The following LHFPL3 variants were observed in gnomAD, a reference collection of about 807,000 sequenced individuals.
LHFPL3 encodes the protein LHFPL tetraspan subfamily member 3 protein.
A neutral mutation model predicts 19.3 loss-of-function variants in LHFPL3; 5 were observed. That is an observed-to-expected ratio of 0.26 (90% confidence interval 0.14 to 0.54). The LOEUF is 0.54. Among genes scored for constraint, LHFPL3 ranks in the 20% least tolerant of loss-of-function variants. The probability of loss-of-function intolerance (pLI) is 0.94; values close to 1 mark genes in which losing one functional copy is unlikely to be tolerated. For synonymous variants in LHFPL3, 133 were observed against 126.2 expected (o/e 1.05, Z -0.36); for missense variants, 249 against 307.4 (o/e 0.81, Z 1.42).
At chr7:104,400,302 A>G (rs897501512) in intron 1 of LHFPL3, among the ~76,000 whole-genome samples, 3 of 152,042 alleles carry the variant, frequency 2.0e-5, no homozygotes, top group African/African-American at 7.2e-5. Flanking sequence ...CCTGCTAATT[A>G]ACTATTGTTG....
chr7:104,555,952 G>A (rs1329293255), intron 1 of LHFPL3, among the ~76,000 whole-genome samples: 1 of 152,224 alleles, frequency 6.6e-6, no homozygotes, highest in Non-Finnish European at 1.5e-5. Context: ...ATCCAGCAGG[G>A]CAGTAAAATC....
chr7:104,567,052 A>G (rs1385246055), intron 1 of LHFPL3, among the ~76,000 whole-genome samples: 2 of 152,220 alleles, frequency 1.3e-5, no homozygotes, highest in African/African-American at 4.8e-5. Context: ...TTCTTCCAGG[A>G]CAGCTATATA....
chr7:104,589,981 A>G (rs144445283), intron 1 of LHFPL3, among the ~76,000 whole-genome samples: 2,034 of 151,822 alleles, frequency 0.013, 40 homozygotes, highest in African/African-American at 0.046. Flanking sequence ...TTTTTATTGC[A>G]TCTATTTGAT....
At chr7:104,468,240 T>C (rs1273873124) in intron 1 of LHFPL3, among the ~76,000 whole-genome samples, 2 of 152,222 alleles carry the variant, frequency 1.3e-5, no homozygotes, top group African/African-American at 4.8e-5. Flanking sequence ...GGAATCCAAT[T>C]ACTGAGGTCA....
intron 2 of LHFPL3, among the ~76,000 whole-genome samples, chr7:104,766,211 G>A (rs1207134067): frequency 6.6e-6 from 1 of 152,182 alleles, no homozygotes; most frequent in Non-Finnish European, 1.5e-5. Flanking sequence ...GTTGATATGG[G>A]AGATTATCTA....
intron 1 of LHFPL3, among the ~76,000 whole-genome samples, chr7:104,589,118 G>A (rs1163475052): frequency 2.0e-5 from 3 of 152,086 alleles, no homozygotes; most frequent in Admixed American, 1.3e-4. Flanking sequence ...TCTCCTGCCT[G>A]ATTGCCCTGG....
At chr7:104,721,303 C>G (rs746648593) in intron 1 of LHFPL3, among the ~76,000 whole-genome samples, 5 of 152,164 alleles carry the variant, frequency 3.3e-5, no homozygotes, top group Non-Finnish European at 7.3e-5. Context: ...AAACCAAACA[C>G]CGCATGCTCT....
At chr7:104,656,539 G>C (rs1792124357) in intron 1 of LHFPL3, among the ~76,000 whole-genome samples, 1 of 152,228 alleles carries the variant, frequency 6.6e-6, no homozygotes, top group Admixed American at 6.5e-5. Context: ...ATGACCCTGA[G>C]TAAGGGATAG....
intron 1 of LHFPL3, among the ~76,000 whole-genome samples, chr7:104,620,031 G>T (rs922621388): frequency 6.6e-6 from 1 of 152,212 alleles, no homozygotes; most frequent in Non-Finnish European, 1.5e-5. Flanking sequence ...AGGAGGCAGA[G>T]CTTAGGCCAT....
chr7:104,435,600 G>A, intron 1 of LHFPL3, among the ~76,000 whole-genome samples: 2 of 146,832 alleles, frequency 1.4e-5, no homozygotes, highest in African/African-American at 2.5e-5. Context: ...CCTCACTCAA[G>A]AAACACACTG....
chr7:104,744,657 G>A (rs372047733), intron 2 of LHFPL3, among the ~76,000 whole-genome samples: 3 of 152,156 alleles, frequency 2.0e-5, no homozygotes, highest in Non-Finnish European at 4.4e-5. Context: ...CACAGGCACT[G>A]TCTTACCAAG....
intron 1 of LHFPL3, among the ~76,000 whole-genome samples, chr7:104,639,935 A>G (rs1009855368): frequency 2.0e-5 from 3 of 152,168 alleles, no homozygotes; most frequent in Non-Finnish European, 4.4e-5. Flanking sequence ...TTGGGAAAAT[A>G]AAGTCTTAGA....
rs533151004 is a variant in LHFPL3, at chr7:104,522,992, A to G, written c.445+193768A>G. 4.0e-5 allele frequency among the ~76,000 whole-genome samples: 6 copies of G among 149,646 alleles called. No individual in the cohort carries two copies. The East Asian group carries it at 1.2e-3, about 29-fold the overall frequency. ...TATATCTGTGTGTGTGTGTGTGTGT[A>G]TGCACACATATATGTATATATGCAC... On this transcript the variant is annotated intron_variant, in intron 1 of 2. Transcript: ENST00000424859.
At chr7:104,340,477 G>A (rs868303265) in intron 1 of LHFPL3, among the ~76,000 whole-genome samples, 7 of 152,036 alleles carry the variant, frequency 4.6e-5, no homozygotes, top group African/African-American at 1.7e-4. Context: ...AACATAGTAA[G>A]CACTCAAAAA....
At chr7:104,842,421 T>C (rs979108221) in intron 2 of LHFPL3, among the ~76,000 whole-genome samples, 3 of 152,050 alleles carry the variant, frequency 2.0e-5, no homozygotes, top group Non-Finnish European at 4.4e-5. Flanking sequence ...AGAGCAGACC[T>C]TAGAAGAGAC....
intron 1 of LHFPL3, among the ~76,000 whole-genome samples, chr7:104,704,957 ATCT>A: frequency 6.6e-6 from 1 of 152,308 alleles, no homozygotes; most frequent in South Asian, 2.1e-4. Context: ...ATTCTTAAAA[ATCT>A]TCTCTCAGGA....
chr7:104,551,053 C>T (rs887886285), intron 1 of LHFPL3, among the ~76,000 whole-genome samples: 7 of 151,790 alleles, frequency 4.6e-5, no homozygotes, highest in East Asian at 1.9e-4. Flanking sequence ...AGACACAATG[C>T]GCTAATCAGA....
intron 1 of LHFPL3, among the ~76,000 whole-genome samples, chr7:104,348,537 A>C (rs1444001779): frequency 1.3e-5 from 2 of 152,260 alleles, no homozygotes; most frequent in Non-Finnish European, 2.9e-5. Context: ...GCACTGAAAA[A>C]AAGATATTCT....
At chr7:104,473,026 A>G (rs944250462) in intron 1 of LHFPL3, among the ~76,000 whole-genome samples, 3 of 152,232 alleles carry the variant, frequency 2.0e-5, no homozygotes, top group Non-Finnish European at 2.9e-5. Context: ...CAAAATTTCA[A>G]ATGGCCATAA....
Sources: allele counts gnomAD v4.1 joint callset (sites outside exome capture counted in the v4.1 genomes callset), GRCh38; gene constraint gnomAD v4.1.1; transcripts MANE v1.5; gene names NCBI Gene and HGNC (gene_info 2026-07-23, HGNC 2026-07-21).